FOCAD: variants seen among roughly 807,000 people sequenced by gnomAD.
FOCAD encodes KIAA1797.
Under a neutral mutation model 225.6 loss-of-function variants are expected in FOCAD, and 198 were observed. The observed-to-expected ratio is 0.88, with a 90% CI of 0.78 to 0.99. The LOEUF is 0.99. FOCAD is among the 50% of genes least tolerant of loss of function. The pLI, the probability that FOCAD is intolerant of heterozygous loss-of-function variation, is 0.00. For synonymous variants in FOCAD, 897 were observed against 755.0 expected, an observed-to-expected ratio of 1.19 and a Z score of -3.08; for missense variants, 2,713 against 2,123.6, an observed-to-expected ratio of 1.28 and a Z score of -5.46.
chr9:20,657,887 T>G, upstream of FOCAD, among the ~76,000 whole-genome samples: 1 of 127,638 alleles, frequency 7.8e-6, no homozygotes, highest in African/African-American at 3.0e-5. Flanking sequence ...TTCTGTTCTG[T>G]TTTTTCCCCA....
At chr9:20,833,198 G>T (rs896039548) in intron 15 of FOCAD, among the ~76,000 whole-genome samples, 1 of 151,926 alleles carries the variant, frequency 6.6e-6, no homozygotes, top group Non-Finnish European at 1.5e-5. Flanking sequence ...ATCCTAAAGG[G>T]TGTGAGGTGA....
intron 15 of FOCAD, among the ~76,000 whole-genome samples, chr9:20,857,893 T>C (rs1828361671): frequency 1.3e-5 from 2 of 151,856 alleles, no homozygotes; most frequent in South Asian, 4.2e-4. Flanking sequence ...ACATATTGCA[T>C]TGATTGATTT....
intron 11 of FOCAD, among the ~76,000 whole-genome samples, chr9:20,810,334 A>G (rs1822923752): frequency 6.6e-6 from 1 of 152,148 alleles, no homozygotes; most frequent in Non-Finnish European, 1.5e-5. Context: ...TAATTGTTGG[A>G]GAGATTTCAA....
chr9:20,865,838 T>A, intron 16 of FOCAD, 88 bp from the exon 17 acceptor site: 1 of 879,484 alleles, frequency 1.1e-6, no homozygotes, highest in Non-Finnish European at 1.8e-6. Context: ...AAAAGTGACT[T>A]AATTTTCATT....
chr9:20,694,611 G>C (rs567468654), intron 1 of FOCAD: 3 of 151,966 alleles, frequency 2.0e-5, no homozygotes, highest in Non-Finnish European at 4.4e-5. Context: ...GCAATCTCTA[G>C]TTACTTTTTT....
At chr9:20,699,164 G>A (rs1823632489) in intron 1 of FOCAD, among the ~76,000 whole-genome samples, 1 of 152,206 alleles carries the variant, frequency 6.6e-6, no homozygotes, top group Admixed American at 6.5e-5. Context: ...TTGTTCCTGA[G>A]CTGATCTGAT....
At chr9:20,817,043 T>A (rs1248024504) in intron 11 of FOCAD, among the ~76,000 whole-genome samples, 1 of 152,148 alleles carries the variant, frequency 6.6e-6, no homozygotes, top group African/African-American at 2.4e-5. Context: ...CTGGAACCAG[T>A]CCCTGTAGAT....
chr9:20,980,544 T>C (rs1840604123), intron 37 of FOCAD, among the ~76,000 whole-genome samples: 1 of 152,234 alleles, frequency 6.6e-6, no homozygotes, highest in Non-Finnish European at 1.5e-5. Context: ...TATAGAATGA[T>C]CTGAGATGGC....
intron 28 of FOCAD, among the ~76,000 whole-genome samples, chr9:20,938,173 G>T (rs990968420): frequency 5.9e-5 from 9 of 152,166 alleles, no homozygotes; most frequent in Admixed American, 2.0e-4. Context: ...TCAGTGTGGC[G>T]ATTCCTCAGG....
rs1358499308 is a variant in FOCAD, at chr9:20,906,688, A to G, written c.2626-462A>G. ...CTGCTCTTACCACTGTGGTTTCTACACAACATGATATTTCTGTTGGCAATA... is the reference window on the plus strand; with the variant it reads ...CTGCTCTTACCACTGTGGTTTCTACGCAACATGATATTTCTGTTGGCAATA... On this transcript the variant is annotated intron_variant, in intron 21 of 43. Coordinates refer to ENST00000338382, the MANE Select transcript of FOCAD (RefSeq NM_001375567.1). 2.6e-5 allele frequency among the ~76,000 whole-genome samples: 4 copies of G among 152,084 alleles called. No homozygotes were observed. The South Asian group carries it at 8.3e-4, about 31-fold the overall frequency.
chr9:20,977,812 C>T (rs1038524456), intron 36 of FOCAD, among the ~76,000 whole-genome samples: 1 of 152,092 alleles, frequency 6.6e-6, no homozygotes, highest in African/African-American at 2.4e-5. Flanking sequence ...AAATGTGTTC[C>T]GCTATCCCTC....
At position 20,742,141 on chromosome 9, in the gene FOCAD, T is replaced by G. The variant is rs146772098; in HGVS notation, c.392+1801T>G. 5.1e-3 allele frequency among the ~76,000 whole-genome samples: 780 copies of G among 152,304 alleles called. 3 individuals carry two copies. Among genetic ancestry groups the G allele is most frequent in the African/African-American group, 0.018 (745 of 41,564 alleles). On this transcript the variant is annotated intron_variant, in intron 5 of 43. Coordinates refer to ENST00000338382, the MANE Select transcript of FOCAD (RefSeq NM_001375567.1). ...TATTTTCTCCCCTCTCAGGGAAGTA[T>G]TTTTAGTTCAATGCTTCCCAACATT...
At chr9:20,774,308 G>A (rs1818539389) in intron 8 of FOCAD, among the ~76,000 whole-genome samples, 1 of 152,150 alleles carries the variant, frequency 6.6e-6, no homozygotes, top group Non-Finnish European at 1.5e-5. Flanking sequence ...ACAGGGGATG[G>A]TGTGTTCTGT....
At chr9:20,923,604 CTCT>C (rs1488810005) in intron 24 of FOCAD, 53 bp from the exon 25 acceptor site, 6 of 1,382,944 alleles carry the variant, frequency 4.3e-6, no homozygotes, top group South Asian at 1.2e-5. Flanking sequence ...TTAGCTCTTT[CTCT>C]TCTTCTGGTT....
At chr9:20,923,574 A>T in intron 24 of FOCAD, 86 bp from the exon 25 acceptor site, 2 of 936,454 alleles carry the variant, frequency 2.1e-6, no homozygotes, top group Non-Finnish European at 3.3e-6. Context: ...TTGCTTTTTG[A>T]CTTCACCTGC....
At chr9:20,992,458 C>T (rs1199688605) in intron 42 of FOCAD, among the ~76,000 whole-genome samples, 1 of 152,168 alleles carries the variant, frequency 6.6e-6, no homozygotes, top group African/African-American at 2.4e-5. Flanking sequence ...CCAAGCTGCA[C>T]ACAGAACCAG....
At chr9:20,683,720 G>A (rs778590553), upstream of FOCAD, among the ~76,000 whole-genome samples, 1 of 152,142 alleles carries the variant, frequency 6.6e-6, no homozygotes, top group Admixed American at 6.5e-5. Flanking sequence ...GAGCTGCAGT[G>A]TTATGTGTTG....
In FOCAD at chr9:20,695,871, C is replaced by CA. The variant is rs753707282; in HGVS notation, c.-33+11579dup. ...AATCCAATCTGCAGCTAAGCACACACATTTTAACATTTGTTGTGTATAGTC... is the reference window on the plus strand; with the variant it reads ...AATCCAATCTGCAGCTAAGCACACACAATTTTAACATTTGTTGTGTATAGTC... On this transcript the variant is annotated intron_variant, in intron 1 of 43. Transcript: ENST00000338382. Among the ~76,000 whole-genome samples the CA allele has an allele frequency of 6.6e-5, 10 of 152,324 alleles. No homozygotes were observed. The East Asian group carries it at 9.6e-4, about 15-fold the overall frequency.
chr9:20,722,655 C>T (rs893017333), intron 4 of FOCAD, among the ~76,000 whole-genome samples: 3 of 152,094 alleles, frequency 2.0e-5, no homozygotes, highest in African/African-American at 4.8e-5. Context: ...TTCACATACA[C>T]GCATATAAAC....
Sources: gnomAD v4.1 joint callset for allele counts (sites outside exome capture counted in the v4.1 genomes callset) on GRCh38, gnomAD v4.1.1 for gene constraint, MANE v1.5 for transcripts, NCBI Gene and HGNC (gene_info 2026-07-23, HGNC 2026-07-21) for gene names.